The following KCNIP1 variants were observed in gnomAD, a reference collection of about 807,000 sequenced individuals.
KCNIP1 encodes the protein A-type potassium channel modulatory protein KCNIP1.
In KCNIP1, 18 loss-of-function variants were observed where a neutral mutation model predicts 33.0. The ratio of observed to expected loss-of-function variants is 0.55; its 90% CI spans 0.38 to 0.81. The LOEUF is 0.81. Among genes scored for constraint, KCNIP1 ranks in the 30% least tolerant of loss-of-function variants. The probability of loss-of-function intolerance (pLI) is 0.00; values close to 1 mark genes in which losing one functional copy is unlikely to be tolerated. For synonymous variants in KCNIP1, 93 were observed against 98.3 expected (o/e 0.95, Z 0.32); for missense variants, 238 against 271.6 (o/e 0.88, Z 0.87).
chr5:170,625,414 C>CGG (rs1759783841), intron 1 of KCNIP1, among the ~76,000 whole-genome samples: 1 of 152,222 alleles, frequency 6.6e-6, no homozygotes, highest in Non-Finnish European at 1.5e-5. Context: ...CCCCTGGCTG[C>CGG]GGCGTAAGCT....
chr5:170,560,827 G>T, intron 1 of KCNIP1, among the ~76,000 whole-genome samples: 1 of 151,778 alleles, frequency 6.6e-6, no homozygotes, highest in Non-Finnish European at 1.5e-5. Context: ...GGTTCCCCCC[G>T]CCCCAGATGC....
At chr5:170,413,361 T>C (rs2113410959) in intron 1 of KCNIP1, among the ~76,000 whole-genome samples, 1 of 152,322 alleles carries the variant, frequency 6.6e-6, no homozygotes, top group South Asian at 2.1e-4. Flanking sequence ...CTGGTCATAA[T>C]GACACCTTTC....
At chr5:170,357,203 G>A (rs534692542) in intron 1 of KCNIP1, among the ~76,000 whole-genome samples, 94 of 151,650 alleles carry the variant, frequency 6.2e-4, no homozygotes, top group Non-Finnish European at 1.0e-3. Flanking sequence ...AGACATCCCC[G>A]GACCCTGCAC....
intron 1 of KCNIP1, among the ~76,000 whole-genome samples, chr5:170,621,621 A>G (rs1759606933): frequency 6.6e-6 from 1 of 152,090 alleles, no homozygotes; most frequent in Non-Finnish European, 1.5e-5. Flanking sequence ...AGTGACTCCC[A>G]CTTCAGCCTC....
At chr5:170,365,238 T>A (rs574484251) in intron 1 of KCNIP1, among the ~76,000 whole-genome samples, 11 of 152,236 alleles carry the variant, frequency 7.2e-5, no homozygotes, top group African/African-American at 2.4e-4. Context: ...GACGCAGAGC[T>A]GGCCTTGAAT....
chr5:170,379,098 G>A (rs1764133113), intron 1 of KCNIP1: 1 of 1,189,744 alleles, frequency 8.4e-7, no homozygotes, highest in Admixed American at 2.6e-5. Flanking sequence ...CGGGGCTTTG[G>A]TCTAAAGCTT....
At chr5:170,497,841 C>T (rs1292687095) in intron 1 of KCNIP1, among the ~76,000 whole-genome samples, 1 of 152,226 alleles carries the variant, frequency 6.6e-6, no homozygotes, top group East Asian at 1.9e-4. Context: ...GTCCCAGCTG[C>T]GTGGGTGGCT....
intron 1 of KCNIP1, among the ~76,000 whole-genome samples, chr5:170,495,343 C>T (rs1327971798): frequency 2.0e-5 from 3 of 152,178 alleles, no homozygotes; most frequent in African/African-American, 7.2e-5. Context: ...CTGTTGGGTG[C>T]AGGGGAAGAT....
chr5:170,479,671 C>G (rs539447767), intron 1 of KCNIP1, among the ~76,000 whole-genome samples: 1 of 152,094 alleles, frequency 6.6e-6, no homozygotes, highest in South Asian at 2.1e-4. Context: ...AGGGTAATAC[C>G]GAGTTGTTTT....
intron 1 of KCNIP1, among the ~76,000 whole-genome samples, chr5:170,560,662 G>A (rs543313893): frequency 6.6e-6 from 1 of 152,144 alleles, no homozygotes; most frequent in South Asian, 2.1e-4. Flanking sequence ...AAACATTTGA[G>A]TTTACAGGTT....
At chr5:170,473,946 T>G (rs1420520142) in intron 1 of KCNIP1, among the ~76,000 whole-genome samples, 1 of 151,982 alleles carries the variant, frequency 6.6e-6, no homozygotes, top group African/African-American at 2.4e-5. Context: ...GCACAGGAAT[T>G]TAGAAAATAA....
chr5:170,548,433 A>G (rs1414924673), intron 1 of KCNIP1, among the ~76,000 whole-genome samples: 1 of 152,236 alleles, frequency 6.6e-6, no homozygotes, highest in Admixed American at 6.5e-5. Flanking sequence ...AGAGGAATGA[A>G]TTAAAATTTC....
At chr5:170,382,309 A>G (rs1175647965) in intron 1 of KCNIP1, among the ~76,000 whole-genome samples, 1 of 152,166 alleles carries the variant, frequency 6.6e-6, no homozygotes, top group Non-Finnish European at 1.5e-5. Context: ...CCACCTTGAT[A>G]TGTCTAGTGT....
At chr5:170,420,973 G>T (rs541372716) in intron 1 of KCNIP1, among the ~76,000 whole-genome samples, 1 of 152,298 alleles carries the variant, frequency 6.6e-6, no homozygotes, top group South Asian at 2.1e-4. Flanking sequence ...GATCTGAGCA[G>T]GAGCCATTTG....
At chr5:170,733,744 C>CATTACTCT in intron 6 of KCNIP1, 92 bp from the exon 7 acceptor site, 1 of 1,052,664 alleles carries the variant, frequency 9.5e-7, no homozygotes, top group Non-Finnish European at 1.4e-6. Context: ...AGCTCCAGCT[C>CATTACTCT]GTTACTCTGA....
At chr5:170,390,360 G>A (rs757200826) in intron 1 of KCNIP1, among the ~76,000 whole-genome samples, 14 of 151,312 alleles carry the variant, frequency 9.3e-5, no homozygotes, top group South Asian at 2.1e-4. Flanking sequence ...ACAAAAATTA[G>A]TCGGGCATAG....
At chr5:170,726,246 C>T (rs1408304712) in intron 5 of KCNIP1, among the ~76,000 whole-genome samples, 1 of 152,052 alleles carries the variant, frequency 6.6e-6, no homozygotes, top group Non-Finnish European at 1.5e-5. Context: ...AATATAAAGA[C>T]TGGCATCCAA....
At chr5:170,641,212 C>A (rs1053704883) in intron 1 of KCNIP1, among the ~76,000 whole-genome samples, 2 of 152,164 alleles carry the variant, frequency 1.3e-5, no homozygotes, top group East Asian at 3.9e-4. Context: ...CACTCTGGGT[C>A]CTTGGGAAGA....
At chr5:170,609,176 T>C (rs975916755) in intron 1 of KCNIP1, among the ~76,000 whole-genome samples, 1 of 152,166 alleles carries the variant, frequency 6.6e-6, no homozygotes, top group Non-Finnish European at 1.5e-5. Context: ...TCCTAACAAA[T>C]ATAATGAGAA....
Sources: gnomAD v4.1 joint callset for allele counts (sites outside exome capture counted in the v4.1 genomes callset) on GRCh38, gnomAD v4.1.1 for gene constraint, MANE v1.5 for transcripts, NCBI Gene and HGNC (gene_info 2026-07-23, HGNC 2026-07-21) for gene names.